AR: variants seen among roughly 807,000 people sequenced by gnomAD.
The protein encoded by AR is dihydrotestosterone receptor.
A neutral mutation model predicts 53.9 loss-of-function variants in AR; 8 were observed. The observed-to-expected ratio is 0.15, with a 90% confidence interval of 0.09 to 0.27. The LOEUF is 0.27. Among genes scored for constraint, AR ranks in the 10% least tolerant of loss-of-function variants. AR has a pLI of 1.00. For synonymous variants in AR, 359 were observed against 316.4 expected (o/e 1.13, Z -1.43); for missense variants, 639 against 742.5 (o/e 0.86, Z 1.62).
At chrX:67,552,526 T>C in intron 1 of AR, among the ~76,000 whole-genome samples, 1 of 112,597 alleles carries the variant, frequency 8.9e-6, no homozygotes, top group Non-Finnish European at 1.9e-5. Context: ...CCACATATTT[T>C]GGACATTTTC....
rs1415981024 is a variant in AR at position 67,544,381 on chromosome X, C to G, written c.-766C>G. The G allele has an allele frequency of 8.9e-6, 1 of 112,343 alleles. No homozygotes were observed. The highest frequency in any genetic ancestry group is 1.7e-5 in the Non-Finnish European group (1 of 58,428). The allele number at this position is 112,343 out of a possible 1,213,427, so 9.3% of individuals were successfully genotyped here. ...CCCACCCTGCCTTCCCCCCCTCCCCCGTCTTCTCTCCCGCAGCTGCCTCAG... is the reference window on the plus strand; with the variant it reads ...CCCACCCTGCCTTCCCCCCCTCCCCGGTCTTCTCTCCCGCAGCTGCCTCAG... On this transcript the variant is annotated 5_prime_UTR_variant, in exon 1 of 8. Transcript: ENST00000374690.
chrX:67,594,004 C>G (rs908649254), intron 1 of AR, among the ~76,000 whole-genome samples: 6 of 111,631 alleles, frequency 5.4e-5, no homozygotes, highest in African/African-American at 2.0e-4. Flanking sequence ...TATTTTAGTG[C>G]CTTTTTTTGA....
intron 1 of AR, among the ~76,000 whole-genome samples, chrX:67,563,624 A>G (rs1199402489): frequency 1.8e-5 from 2 of 111,702 alleles, no homozygotes; most frequent in Non-Finnish European, 3.8e-5. Context: ...AGTCTCCAAA[A>G]TGCTTTGGCT....
chrX:67,556,221 T>C (rs1921045446), intron 1 of AR, among the ~76,000 whole-genome samples: 1 of 111,992 alleles, frequency 8.9e-6, no homozygotes, highest in Admixed American at 9.5e-5. Context: ...GTTACATGTT[T>C]ACAATCAAAC....
chrX:67,656,219 A>G (rs1926582105), intron 2 of AR, among the ~76,000 whole-genome samples: 2 of 111,668 alleles, frequency 1.8e-5, no homozygotes, highest in African/African-American at 6.5e-5. Context: ...TTCAACAAGC[A>G]TGTATGGTAT....
chrX:67,716,949 C>A (rs1359851665), intron 4 of AR, among the ~76,000 whole-genome samples: 2 of 111,828 alleles, frequency 1.8e-5, no homozygotes, highest in Non-Finnish European at 1.9e-5. Context: ...GCTGTATGAT[C>A]TTGGACAAGT....
At chrX:67,714,465 A>G (rs775294116) in intron 4 of AR, among the ~76,000 whole-genome samples, 1 of 111,857 alleles carries the variant, frequency 8.9e-6, no homozygotes, top group Non-Finnish European at 1.9e-5. Context: ...ATGGACCCCA[A>G]GGTGAAATTG....
chrX:67,550,051 A>G (rs1415786745), intron 1 of AR, among the ~76,000 whole-genome samples: 9 of 111,859 alleles, frequency 8.0e-5, no homozygotes, highest in Non-Finnish European at 1.7e-4. Context: ...GTGGTCAGCA[A>G]ATAGGTGGTG....
chrX:67,611,108 A>G (rs1016543276), intron 1 of AR, among the ~76,000 whole-genome samples: 6 of 111,938 alleles, frequency 5.4e-5, no homozygotes, highest in African/African-American at 1.9e-4. Context: ...TTATTATCAT[A>G]CTTTTGCATG....
In AR at chrX:67,691,837, C is replaced by T. The variant is rs973241251; in HGVS notation, c.1885+5711C>T. Among the ~76,000 whole-genome samples, 3 of 111,885 alleles carry T rather than the reference C, an allele frequency of 2.7e-5. No homozygotes were observed. In the Admixed American group the frequency reaches 2.8e-4, roughly 11 times the overall value. ...ATGTTGGGTCTGCAACGTTGTCATA[C>T]ACAAAGGATAGGATGCAAAACTGTC... On this transcript the variant is annotated intron_variant, in intron 3 of 7. Transcript: ENST00000374690.
rs1254892049 is a variant in AR at position 67,726,635 on chromosome X, T to G, written c.*2794T>G. 3 of 174,549 alleles carry G rather than the reference T, an allele frequency of 1.7e-5. No individual in the cohort carries two copies. In the East Asian group the frequency reaches 2.4e-4, roughly 14 times the overall value. 14.4% of individuals were successfully genotyped at this position (174,549 alleles called of 1,213,427 possible). A position where few individuals can be genotyped will look rare whatever the true frequency, so the allele number is the denominator to read the frequency against. ...TCCAAATGACAAAACTAGGGAAAAA[T>G]AGCCTACACAAGCCTTTAGGCCTAC... is the stretch of plus-strand genomic sequence containing the variant. On this transcript the variant is annotated 3_prime_UTR_variant, in exon 8 of 8. Transcript: ENST00000374690.
At chrX:67,581,005 G>A (rs1179107647) in intron 1 of AR, among the ~76,000 whole-genome samples, 1 of 112,053 alleles carries the variant, frequency 8.9e-6, no homozygotes, top group Admixed American at 9.5e-5. Flanking sequence ...AACCTGGGTT[G>A]GACGTGAGAA....
intron 2 of AR, among the ~76,000 whole-genome samples, chrX:67,645,314 C>G (rs755356602): frequency 5.3e-4 from 59 of 111,740 alleles, no homozygotes; most frequent in African/African-American, 1.9e-3. Flanking sequence ...GCTGTCATAT[C>G]ATACATCCCA....
intron 1 of AR, among the ~76,000 whole-genome samples, chrX:67,632,654 T>A (rs1925221083): frequency 8.9e-6 from 1 of 112,177 alleles, no homozygotes; most frequent in Non-Finnish European, 1.9e-5. Flanking sequence ...TTCGGCCATC[T>A]TGGCTCCAGA....
intron 2 of AR, among the ~76,000 whole-genome samples, chrX:67,670,294 C>G (rs1207293023): frequency 1.1e-5 from 1 of 87,801 alleles, no homozygotes; most frequent in African/African-American, 4.1e-5. Context: ...CCCATTTAAC[C>G]AAAATCCACT....
intron 3 of AR, among the ~76,000 whole-genome samples, chrX:67,702,850 G>A (rs539684546): frequency 5.4e-5 from 6 of 112,028 alleles, no homozygotes; most frequent in Non-Finnish European, 9.4e-5. Context: ...TTGGGAGGCC[G>A]AGATGGGAGG....
intron 3 of AR, among the ~76,000 whole-genome samples, chrX:67,703,486 A>G (rs191030801): frequency 3.8e-4 from 42 of 111,435 alleles, no homozygotes; most frequent in Admixed American, 2.1e-3. Context: ...CATTCTTTCC[A>G]ATGACTGTCT....
chrX:67,643,134 TA>T (rs1925872773), intron 1 of AR, 121 bp from the exon 2 acceptor site: 2 of 889,630 alleles, frequency 2.2e-6, no homozygotes, highest in African/African-American at 3.9e-5. Context: ...TCACACTAAC[TA>T]ACTTGAGCAA....
intron 3 of AR, among the ~76,000 whole-genome samples, chrX:67,696,677 A>G (rs747755024): frequency 9.0e-6 from 1 of 110,544 alleles, no homozygotes; most frequent in Non-Finnish European, 1.9e-5. Flanking sequence ...TGCCTGGGGG[A>G]ATTTGGCATG....
Sources: allele counts gnomAD v4.1 joint callset (sites outside exome capture counted in the v4.1 genomes callset), GRCh38; gene constraint gnomAD v4.1.1; transcripts MANE v1.5; gene names NCBI Gene and HGNC (gene_info 2026-07-23, HGNC 2026-07-21).